The following ACBD6 variants were observed in gnomAD, a reference collection of about 807,000 sequenced individuals.
ACBD6 encodes acyl-CoA binding domain containing 6.
A neutral mutation model predicts 37.2 loss-of-function variants in ACBD6; 28 were observed. The observed-to-expected ratio is 0.75, with a 90% CI of 0.56 to 1.03. The LOEUF (loss-of-function observed/expected upper bound fraction) is 1.03. ACBD6 is among the 50% of genes least tolerant of loss of function. The probability of loss-of-function intolerance (pLI) is 0.00; values close to 1 mark genes in which losing one functional copy is unlikely to be tolerated. For synonymous variants in ACBD6, 113 were observed against 126.8 expected (o/e 0.89, Z 0.73); for missense variants, 340 against 337.4 (o/e 1.01, Z -0.06).
rs145615747 is a variant in ACBD6, at chr1:180,355,553, T to C, written c.664-40831A>G. 5.5e-3 allele frequency among the ~76,000 whole-genome samples: 833 copies of C among 152,328 alleles called. 7 individuals are homozygous for C. The highest frequency in any genetic ancestry group is 0.019 in the African/African-American group (788 of 41,576). On this transcript the variant is annotated intron_variant, in intron 6 of 7. Coordinates refer to ENST00000367595, the MANE Select transcript of ACBD6 (RefSeq NM_032360.4). Reference sequence around the variant, plus strand: ...TTTGCCCATAGCTTTGAAGTCATGTTCAACTTCTCTTTTATTTTTTATATT... The same window carrying C: ...TTTGCCCATAGCTTTGAAGTCATGTCCAACTTCTCTTTTATTTTTTATATT...
chr1:180,472,672 A>G (rs1417698910), intron 3 of ACBD6, among the ~76,000 whole-genome samples: 1 of 152,250 alleles, frequency 6.6e-6, no homozygotes, highest in East Asian at 1.9e-4. Flanking sequence ...TGCTAAAGAA[A>G]AAAGCTAAAA....
chr1:180,281,916 TATCAC>T (rs1363911944), intron 8 of ACBD6, among the ~76,000 whole-genome samples: 1 of 152,238 alleles, frequency 6.6e-6, no homozygotes, highest in Non-Finnish European at 1.5e-5. Context: ...GGGAAGAGTA[TATCAC>T]ATCCTCTCAG....
chr1:180,476,410 A>G (rs1650787601), intron 3 of ACBD6, among the ~76,000 whole-genome samples: 1 of 152,242 alleles, frequency 6.6e-6, no homozygotes, highest in Non-Finnish European at 1.5e-5. Context: ...TTTTTTAAAA[A>G]AAGAATGAAG....
At chr1:180,460,476 G>A (rs555928823) in intron 3 of ACBD6, among the ~76,000 whole-genome samples, 103 of 152,196 alleles carry the variant, frequency 6.8e-4, no homozygotes, top group African/African-American at 2.1e-3. Context: ...CTGGCTGGGC[G>A]AGACCTCCCA....
intron 1 of ACBD6, among the ~76,000 whole-genome samples, chr1:180,499,232 A>T (rs990086214): frequency 1.3e-5 from 2 of 152,258 alleles, no homozygotes; most frequent in Non-Finnish European, 2.9e-5. Context: ...AATATGCAGA[A>T]ATGATATTGG....
chr1:180,295,574 C>T (rs1449345451), intron 7 of ACBD6, among the ~76,000 whole-genome samples: 2 of 151,836 alleles, frequency 1.3e-5, no homozygotes, highest in Non-Finnish European at 2.9e-5. Flanking sequence ...TCTATCGGTG[C>T]CATTTTCCCA....
exon 10 of ACBD6, chr1:180,275,019 C>A (rs1007605258): frequency 2.5e-5 from 4 of 159,514 alleles, no homozygotes; most frequent in African/African-American, 9.6e-5. Flanking sequence ...GGCCTCACAG[C>A]CCTTGAGTAA....
chr1:180,358,422 GT>G (rs1652710641), intron 6 of ACBD6, among the ~76,000 whole-genome samples: 2 of 135,314 alleles, frequency 1.5e-5, no homozygotes, highest in Non-Finnish European at 3.1e-5. Context: ...GCAAGACTCC[GT>G]CTCAAAAACA....
At chr1:180,316,029 C>A (rs1650784996) in intron 6 of ACBD6, among the ~76,000 whole-genome samples, 1 of 152,038 alleles carries the variant, frequency 6.6e-6, no homozygotes. Flanking sequence ...ATCATTTTTG[C>A]CTACTTTTTT....
At chr1:180,367,905 C>T (rs143507570) in intron 6 of ACBD6, among the ~76,000 whole-genome samples, 51 of 152,172 alleles carry the variant, frequency 3.4e-4, no homozygotes, top group Middle Eastern at 3.4e-3. Context: ...TGGTATATAC[C>T]CAGTAATGGG....
chr1:180,375,598 T>C (rs1294490106), intron 6 of ACBD6, among the ~76,000 whole-genome samples: 1 of 152,158 alleles, frequency 6.6e-6, no homozygotes, highest in African/African-American at 2.4e-5. Flanking sequence ...AGTGCTGGAA[T>C]TATAGGCGTG....
At position 180,469,483 on chromosome 1, in the gene ACBD6, T is replaced by A. The variant is rs142290504; in HGVS notation, c.384+22786A>T. Reference sequence around the variant, plus strand: ...TAGTAATTCTACAGAGTTTTAAATCTAGGCCTTTAAAAACATTTTCAAAAA... The same window carrying A: ...TAGTAATTCTACAGAGTTTTAAATCAAGGCCTTTAAAAACATTTTCAAAAA... On this transcript the variant is annotated intron_variant, in intron 3 of 7. Coordinates refer to ENST00000367595, the MANE Select transcript of ACBD6 (RefSeq NM_032360.4). 1.5e-3 allele frequency among the ~76,000 whole-genome samples: 223 copies of A among 152,320 alleles called. 1 individual carries two copies. The highest frequency in any genetic ancestry group is 4.4e-3 in the African/African-American group (183 of 41,582).
intron 5 of ACBD6, among the ~76,000 whole-genome samples, chr1:180,398,773 G>A (rs1654359949): frequency 6.6e-6 from 1 of 152,108 alleles, no homozygotes; most frequent in Non-Finnish European, 1.5e-5. Context: ...AGTGATGCAT[G>A]GCTTACTACT....
intron 6 of ACBD6, among the ~76,000 whole-genome samples, chr1:180,380,934 G>C (rs1653621078): frequency 6.6e-6 from 1 of 152,030 alleles, no homozygotes; most frequent in Non-Finnish European, 1.5e-5. Flanking sequence ...TGGCTGAATG[G>C]CTTTTAAAAA....
intron 6 of ACBD6, among the ~76,000 whole-genome samples, chr1:180,318,825 C>A (rs1650939660): frequency 1.3e-5 from 2 of 152,104 alleles, no homozygotes; most frequent in Non-Finnish European, 2.9e-5. Context: ...TTCAGAGCAG[C>A]CCAGTGTTGG....
chr1:180,271,904 C>A (rs1648687454), exon 14 of ACBD6: 1 of 1,613,354 alleles, frequency 6.2e-7, no homozygotes, highest in African/African-American at 1.3e-5. Context: ...CCGCTGGGGG[C>A]AGTTCTATAA....
rs1358680802 is a variant in ACBD6, at chr1:180,303,865, C to T, written c.694+10827G>A. On this transcript the variant is annotated intron_variant, in intron 7 of 7. Transcript: ENST00000367595. ...TGATGCAAAAATCATCAATAAAATA[C>T]TGGCAAACCGAATCCAGCAGCACAT... Among the ~76,000 whole-genome samples the T allele has an allele frequency of 2.6e-5, 4 of 151,004 alleles. 1 individual carries two copies. The highest frequency in any genetic ancestry group is 3.9e-4 in the East Asian group (2 of 5,168).
chr1:180,457,180 C>T (rs978309374), intron 3 of ACBD6, among the ~76,000 whole-genome samples: 1 of 152,052 alleles, frequency 6.6e-6, no homozygotes, highest in Non-Finnish European at 1.5e-5. Flanking sequence ...AAGAGATCCA[C>T]GGGGCCAAAG....
chr1:180,310,949 G>T (rs140577214), intron 7 of ACBD6, among the ~76,000 whole-genome samples: 1 of 152,254 alleles, frequency 6.6e-6, no homozygotes, highest in African/African-American at 2.4e-5. Flanking sequence ...GTTTCTGCAC[G>T]TCTTATGTAC....
Sources: allele counts gnomAD v4.1 joint callset (sites outside exome capture counted in the v4.1 genomes callset), GRCh38; gene constraint gnomAD v4.1.1; transcripts MANE v1.5; gene names NCBI Gene and HGNC (gene_info 2026-07-23, HGNC 2026-07-21).